Variants in CADPS observed in about 807,000 individuals in gnomAD.
CADPS encodes the protein calcium-dependent secretion activator 1.
In CADPS, 57 loss-of-function variants were observed where a neutral mutation model predicts 167.3. That is an observed-to-expected ratio of 0.34 (90% CI 0.28 to 0.42). The LOEUF (loss-of-function observed/expected upper bound fraction) is 0.42, where lower values mean the gene tolerates loss of function less well. Ranked by LOEUF, CADPS falls within the 20% of genes least tolerant of loss-of-function variation. The probability of loss-of-function intolerance (pLI) is 1.00; values close to 1 mark genes in which losing one functional copy is unlikely to be tolerated. For synonymous variants in CADPS, 676 were observed against 635.3 expected (o/e 1.06, Z -0.96); for missense variants, 1,414 against 1,738.1 (o/e 0.81, Z 3.32).
chr3:62,628,349 TA>T (rs2064526401), intron 6 of CADPS, among the ~76,000 whole-genome samples: 1 of 152,202 alleles, frequency 6.6e-6, no homozygotes, highest in Non-Finnish European at 1.5e-5. Context: ...AAAAAGCTTA[TA>T]AAAGTACAAG....
Position 62,478,273 on chromosome 3 carries a change from G to A in CADPS, c.3317C>T (p.Ser1106Phe). The change falls in exon 23 of 30, where the codon TCT becomes TTT. Residue 1106 changes from serine (S) to phenylalanine (F), a missense_variant. Around this residue, in one of 6 missense-constraint regions of CADPS, gnomAD observed 529 missense variants for 629.6 expected, o/e 0.84. Coordinates refer to ENST00000383710, the MANE Select transcript of CADPS (RefSeq NM_003716.4). The surrounding 1 kb of genome is among the most constrained non-coding windows in gnomAD (Gnocchi z 5.7). ...CACCTATACTTACCTTTTGACACAA[G>A]ATTCGATCATGTCACTTGCCATCAA... Reference protein sequence around the residue: ...LKLMASDMIESCVKRTRIAFE... With the variant: ...LKLMASDMIEFCVKRTRIAFE... 6.2e-7 allele frequency: 1 copy of A among 1,613,798 alleles called. No individual in the cohort carries two copies. Among genetic ancestry groups the A allele is most frequent in the East Asian group, 2.2e-5 (1 of 44,880 alleles).
At chr3:62,519,585 T>C (rs6445276) in intron 13 of CADPS, among the ~76,000 whole-genome samples, 100,193 of 151,980 alleles carry the variant, frequency 0.66, 35,378 homozygotes, top group Non-Finnish European at 0.79. Flanking sequence ...GCCTTCAAAT[T>C]CTCTGGTAAA....
chr3:62,855,512 A>G (rs965898934), intron 1 of CADPS, among the ~76,000 whole-genome samples: 5 of 152,180 alleles, frequency 3.3e-5, no homozygotes, highest in Non-Finnish European at 5.9e-5. Flanking sequence ...GAAACCAAGC[A>G]AAGTTATTAA....
intron 3 of CADPS, among the ~76,000 whole-genome samples, chr3:62,690,145 C>G (rs1040642014): frequency 6.6e-6 from 1 of 151,924 alleles, no homozygotes; most frequent in Non-Finnish European, 1.5e-5. Context: ...TCTTCCCTTT[C>G]TGGAAGATCT....
At chr3:62,636,071 G>C (rs1337998859) in intron 6 of CADPS, among the ~76,000 whole-genome samples, 1 of 151,936 alleles carries the variant, frequency 6.6e-6, no homozygotes. Flanking sequence ...TTTACCCTGG[G>C]TCCACTGACA....
At chr3:62,607,369 A>G (rs540576406) in intron 6 of CADPS, among the ~76,000 whole-genome samples, 1 of 152,102 alleles carries the variant, frequency 6.6e-6, no homozygotes, top group South Asian at 2.1e-4. Context: ...GTGTGTTAAC[A>G]CCTCCCAGGG....
intron 3 of CADPS, among the ~76,000 whole-genome samples, chr3:62,726,742 T>C (rs1020561730): frequency 4.6e-5 from 7 of 151,920 alleles, no homozygotes; most frequent in Non-Finnish European, 2.9e-5. Context: ...CAAAAGTAAT[T>C]AACCCTTCTG....
chr3:62,576,499 T>C (rs2082288309), intron 8 of CADPS, among the ~76,000 whole-genome samples: 1 of 151,946 alleles, frequency 6.6e-6, no homozygotes, highest in African/African-American at 2.4e-5. Context: ...ATTTGTAGTA[T>C]TAAAAATAGC....
chr3:62,642,625 A>T (rs2067650316), intron 6 of CADPS, among the ~76,000 whole-genome samples: 1 of 152,210 alleles, frequency 6.6e-6, no homozygotes, highest in South Asian at 2.1e-4. Context: ...AACTGGAGGC[A>T]AGCCAGGTGC....
chr3:62,862,115 G>GA (rs1044773356), intron 1 of CADPS, among the ~76,000 whole-genome samples: 7 of 150,488 alleles, frequency 4.7e-5, no homozygotes, highest in African/African-American at 1.7e-4. Flanking sequence ...GAATAAACAT[G>GA]AAAAATCTAA....
chr3:62,490,572 G>C (rs1220442980), intron 21 of CADPS, among the ~76,000 whole-genome samples: 1 of 152,106 alleles, frequency 6.6e-6, no homozygotes, highest in African/African-American at 2.4e-5. Context: ...TGACAAACTT[G>C]CAACCCACAA....
chr3:62,534,683 T>C (rs1452641028), intron 12 of CADPS, among the ~76,000 whole-genome samples: 1 of 152,192 alleles, frequency 6.6e-6, no homozygotes, highest in Non-Finnish European at 1.5e-5. Flanking sequence ...GAAAAATTTA[T>C]GTATCCCTGC....
At chr3:62,516,298 G>A (rs1343741070) in intron 15 of CADPS, 116 bp from the exon 16 acceptor site, 4 of 1,328,536 alleles carry the variant, frequency 3.0e-6, no homozygotes, top group Admixed American at 2.0e-5. Flanking sequence ...ATAAGATTGA[G>A]AGCCATGCTT....
intron 1 of CADPS, among the ~76,000 whole-genome samples, chr3:62,817,298 G>T (rs2094668057): frequency 6.6e-6 from 1 of 152,112 alleles, no homozygotes; most frequent in Admixed American, 6.6e-5. Flanking sequence ...TATTTTTGCT[G>T]AATGATGGTG....
chr3:62,677,180 G>A (rs2076460855), intron 3 of CADPS, among the ~76,000 whole-genome samples: 1 of 151,984 alleles, frequency 6.6e-6, no homozygotes, highest in Non-Finnish European at 1.5e-5. Flanking sequence ...TCAGGAAATA[G>A]TCTTCATAAA....
chr3:62,482,624 T>A (rs1056337407), intron 21 of CADPS, among the ~76,000 whole-genome samples: 1 of 152,350 alleles, frequency 6.6e-6, no homozygotes, highest in South Asian at 2.1e-4. Flanking sequence ...CAATCCCCAA[T>A]TCAGCTCTTG....
rs1296047822 is a variant in CADPS, at chr3:62,481,778, G to A, written c.3118C>T (p.Pro1040Ser). The A allele has an allele frequency of 2.5e-6, 4 of 1,609,762 alleles. No individual in the cohort carries two copies. The change falls in exon 22 of 30, where the codon CCA (proline) becomes TCA (serine). Residue 1040 changes from proline (P) to serine (S), a missense_variant. By Grantham distance (74) the Pro-to-Ser change is moderately conservative. Around this residue, in one of 6 missense-constraint regions of CADPS, gnomAD observed 529 missense variants for 629.6 expected, o/e 0.84. Coordinates refer to ENST00000383710, the MANE Select transcript of CADPS (RefSeq NM_003716.4). ...NLPVNIPLGI[P>S]QMPTFSAPSW... The stretch of plus-strand genomic sequence containing the variant: ...GGTGCCGAAAAAGTAGGCATTTGTG[G>A]GATGCCTAGAGGGATGTTAACTGGT...
At chr3:62,620,576 A>C (rs1038294948) in intron 6 of CADPS, among the ~76,000 whole-genome samples, 1 of 152,204 alleles carries the variant, frequency 6.6e-6, no homozygotes, top group South Asian at 2.1e-4. Flanking sequence ...TCCATGCTTT[A>C]GAACAAGACA....
chr3:62,825,871 T>C (rs1246677767), intron 1 of CADPS, among the ~76,000 whole-genome samples: 1 of 152,150 alleles, frequency 6.6e-6, no homozygotes, highest in Non-Finnish European at 1.5e-5. Context: ...CCATCATTCA[T>C]TCTGAGACAC....
Sources: allele counts gnomAD v4.1 joint callset (sites outside exome capture counted in the v4.1 genomes callset), GRCh38; gene constraint gnomAD v4.1.1; regional missense constraint gnomAD v4.1.1; non-coding constraint Gnocchi (gnomAD v3.1); transcripts MANE v1.5; gene names NCBI Gene and HGNC (gene_info 2026-07-23, HGNC 2026-07-21).